Variants in DSCAM observed in about 807,000 individuals in gnomAD.
DSCAM encodes cell adhesion molecule DSCAM.
DSCAM carries 47 observed loss-of-function variants against 217.7 expected under a neutral mutation model. That is an observed-to-expected ratio of 0.22 (90% CI 0.17 to 0.28). DSCAM has a LOEUF of 0.28. Among genes scored for constraint, DSCAM ranks in the 10% least tolerant of loss-of-function variants. DSCAM has a pLI of 1.00. For synonymous variants in DSCAM, 1,056 were observed against 1,015.3 expected (o/e 1.04, Z -0.76); for missense variants, 2,080 against 2,618.3 (o/e 0.79, Z 4.49).
At chr21:40,592,564 C>T (rs1422843869) in intron 3 of DSCAM, among the ~76,000 whole-genome samples, 1 of 152,198 alleles carries the variant, frequency 6.6e-6, no homozygotes, top group Non-Finnish European at 1.5e-5. Flanking sequence ...AACACCCCTT[C>T]TTCCTGTTCT....
chr21:40,518,861 G>A (rs896640377), intron 3 of DSCAM, among the ~76,000 whole-genome samples: 2 of 151,812 alleles, frequency 1.3e-5, no homozygotes, highest in Non-Finnish European at 2.9e-5. Context: ...CACAGAGTGT[G>A]CTTAATGCAA....
intron 3 of DSCAM, among the ~76,000 whole-genome samples, chr21:40,656,626 C>T (rs1052161149): frequency 3.3e-5 from 5 of 152,172 alleles, no homozygotes; most frequent in African/African-American, 1.2e-4. Context: ...TTCTGTGTCA[C>T]CGTTGCAGAA....
chr21:40,033,281 G>A (rs890606231), intron 32 of DSCAM, among the ~76,000 whole-genome samples: 4 of 152,164 alleles, frequency 2.6e-5, no homozygotes, highest in Non-Finnish European at 4.4e-5. Flanking sequence ...ATCTCACTAG[G>A]GAGTGCCAGA....
chr21:40,475,650 G>A (rs1217861459), intron 3 of DSCAM, among the ~76,000 whole-genome samples: 1 of 152,132 alleles, frequency 6.6e-6, no homozygotes, highest in Non-Finnish European at 1.5e-5. Flanking sequence ...GACCAACATG[G>A]TGAGACCCCA....
At chr21:40,390,418 A>G (rs1474554707) in intron 3 of DSCAM, among the ~76,000 whole-genome samples, 1 of 152,196 alleles carries the variant, frequency 6.6e-6, no homozygotes. Context: ...GAAGGTGGAT[A>G]GCCTTGGGTT....
chr21:40,220,169 G>C (rs1483276073), intron 11 of DSCAM, among the ~76,000 whole-genome samples: 1 of 152,148 alleles, frequency 6.6e-6, no homozygotes, highest in Non-Finnish European at 1.5e-5. Flanking sequence ...ACTGTGGCCT[G>C]GGGTCCTGGA....
At chr21:40,467,556 C>T (rs2075855140) in intron 3 of DSCAM, among the ~76,000 whole-genome samples, 1 of 152,048 alleles carries the variant, frequency 6.6e-6, no homozygotes, top group Non-Finnish European at 1.5e-5. Context: ...AAAAATAACG[C>T]TTAATGTCAG....
chr21:40,560,045 G>A (rs2076707940), intron 3 of DSCAM, among the ~76,000 whole-genome samples: 1 of 152,066 alleles, frequency 6.6e-6, no homozygotes, highest in Admixed American at 6.6e-5. Context: ...CGCCCGCCTT[G>A]GCCTCCCAAA....
At chr21:40,268,718 G>A (rs1027221300) in intron 11 of DSCAM, among the ~76,000 whole-genome samples, 1 of 152,092 alleles carries the variant, frequency 6.6e-6, no homozygotes, top group African/African-American at 2.4e-5. Context: ...GGAGGCCAAG[G>A]CAGGCAGATC....
In DSCAM at chr21:40,518,670, A is replaced by ATG. The variant is rs1483766273; in HGVS notation, c.509-149427_509-149426dup. 3.6e-5 allele frequency among the ~76,000 whole-genome samples: 5 copies of ATG among 138,120 alleles called. 1 individual carries two copies. Among genetic ancestry groups the ATG allele is most frequent in the African/African-American group, 1.1e-4 (4 of 35,028 alleles). The allele number at this position is 138,120 out of a possible 152,430, so 90.6% of individuals were successfully genotyped here. On this transcript the variant is annotated intron_variant, in intron 3 of 32. Coordinates refer to ENST00000400454, the MANE Select transcript of DSCAM (RefSeq NM_001389.5). ...TGTATATATGTGTATATATATGTGTATGTGTGTGTATGTATATATATGTAT... is the reference window on the plus strand; with the variant it reads ...TGTATATATGTGTATATATATGTGTATGTGTGTGTGTATGTATATATATGTAT...
intron 3 of DSCAM, among the ~76,000 whole-genome samples, chr21:40,528,357 T>C (rs1240438831): frequency 6.6e-6 from 1 of 152,202 alleles, no homozygotes; most frequent in African/African-American, 2.4e-5. Flanking sequence ...CATAATATAC[T>C]ATATTATACT....
intron 3 of DSCAM, among the ~76,000 whole-genome samples, chr21:40,428,655 C>T (rs899223747): frequency 6.6e-6 from 1 of 152,102 alleles, no homozygotes; most frequent in African/African-American, 2.4e-5. Context: ...AACGAGAAGG[C>T]AGAACTATCT....
chr21:40,580,715 TG>T (rs1473029466), intron 3 of DSCAM, among the ~76,000 whole-genome samples: 1 of 152,176 alleles, frequency 6.6e-6, no homozygotes, highest in Non-Finnish European at 1.5e-5. Context: ...GCGGGTGGGC[TG>T]GAAGACAATC....
chr21:40,092,460 T>C (rs1301392718), intron 21 of DSCAM, among the ~76,000 whole-genome samples: 2 of 152,218 alleles, frequency 1.3e-5, no homozygotes, highest in African/African-American at 4.8e-5. Context: ...AAATGACTTA[T>C]TAAATGACTG....
At chr21:40,090,286 T>C (rs1367068653) in intron 21 of DSCAM, among the ~76,000 whole-genome samples, 1 of 152,168 alleles carries the variant, frequency 6.6e-6, no homozygotes, top group Non-Finnish European at 1.5e-5. Context: ...ACCCAGAGCC[T>C]TTCCTCGAAT....
chr21:40,533,214 C>G (rs2076463307), intron 3 of DSCAM, among the ~76,000 whole-genome samples: 1 of 152,166 alleles, frequency 6.6e-6, no homozygotes, highest in South Asian at 2.1e-4. Context: ...TCAAAACTAT[C>G]CTTACCTCCT....
intron 3 of DSCAM, among the ~76,000 whole-genome samples, chr21:40,556,210 A>G (rs2076670481): frequency 6.6e-6 from 1 of 152,212 alleles, no homozygotes; most frequent in Non-Finnish European, 1.5e-5. Context: ...TTTACTCTTG[A>G]ACAAAGCCAC....
At chr21:40,327,723 G>A (rs543991963) in intron 8 of DSCAM, among the ~76,000 whole-genome samples, 2 of 151,670 alleles carry the variant, frequency 1.3e-5, no homozygotes, top group African/African-American at 4.8e-5. Flanking sequence ...CATTCCTTCT[G>A]TATCTAAATT....
intron 1 of DSCAM, among the ~76,000 whole-genome samples, chr21:40,718,380 T>C (rs1156953613): frequency 6.6e-6 from 1 of 152,202 alleles, no homozygotes; most frequent in Admixed American, 6.5e-5. Context: ...TACCCAAGAC[T>C]GGGCAATTTA....
Sources: allele counts gnomAD v4.1 joint callset (sites outside exome capture counted in the v4.1 genomes callset), GRCh38; gene constraint gnomAD v4.1.1; transcripts MANE v1.5; gene names NCBI Gene and HGNC (gene_info 2026-07-23, HGNC 2026-07-21).